The following ACOT1 variants were observed in gnomAD, a reference collection of about 807,000 sequenced individuals.
ACOT1 encodes acyl-coenzyme A thioesterase 1.
ACOT1 carries 8 observed loss-of-function variants against 15.7 expected under a neutral mutation model. The ratio of observed to expected loss-of-function variants is 0.51; its 90% confidence interval spans 0.30 to 0.92. The LOEUF (loss-of-function observed/expected upper bound fraction) is 0.92, where lower values mean the gene tolerates loss of function less well. Among genes scored for constraint, ACOT1 ranks in the 40% least tolerant of loss-of-function variants. The pLI is 0.06. For synonymous variants in ACOT1, 67 were observed against 241.2 expected (o/e 0.28, Z 6.69); for missense variants, 151 against 539.4 (o/e 0.28, Z 7.13).
chr14:73,511,520 AAAATAAAT>A, the ACOT1 span, among the ~76,000 whole-genome samples: 13,861 of 141,560 alleles, frequency 0.098, 818 homozygotes, highest in South Asian at 0.17. Context: ...CTCTGTCTCA[AAAATAAAT>A]AAATAAATAA....
At chr14:73,496,904 T>A in the ACOT1 span, among the ~76,000 whole-genome samples, 1 of 152,234 alleles carries the variant, frequency 6.6e-6, no homozygotes, top group African/African-American at 2.4e-5. Flanking sequence ...CTTTTTGTTT[T>A]TGCGAGATGG....
chr14:73,529,108 C>A, the ACOT1 span: 1 of 152,164 alleles, frequency 6.6e-6, no homozygotes. Flanking sequence ...AATCCCAGCA[C>A]TTTGGGAGGC....
chr14:73,509,896 C>T, the ACOT1 span, among the ~76,000 whole-genome samples: 3 of 126,460 alleles, frequency 2.4e-5, no homozygotes, highest in Non-Finnish European at 3.2e-5. Flanking sequence ...TTTTTTGAGA[C>T]GGAGTCTTGT....
chr14:73,492,838 AGTGGGGGACCTGCCCTGTGACAGT>A, the ACOT1 span: 8 of 1,613,888 alleles, frequency 5.0e-6, no homozygotes, highest in Non-Finnish European at 6.8e-6. This position sits in a 1 kb window ranked among gnomAD's most constrained non-coding sequence, Gnocchi z 4.9. Flanking sequence ...AGTTTGTGAG[AGTGGGGGACCTGCCCTGTGACAGT>A]GTGGAGGACC....
At chr14:73,493,333 CTGTT>C in the ACOT1 span, 4 of 527,868 alleles carry the variant, frequency 7.6e-6, no homozygotes, top group South Asian at 9.0e-5. Flanking sequence ...GGTCAGTATC[CTGTT>C]TGTTATTGTT....
chr14:73,537,736 G>A lies in ACOT1; in HGVS notation c.315G>A (p.Glu105=), dbSNP rs577303851. 279 of 1,244,618 alleles carry A rather than the reference G, an allele frequency of 2.2e-4. 79 individuals carry two copies. In the African/African-American group the frequency reaches 3.1e-3, roughly 14 times the overall value. The allele number at this position is 1,244,618 out of a possible 1,614,324, so 77.1% of individuals were successfully genotyped here. Residue 105 remains glutamate (E), a synonymous_variant, in exon 1 of 3, where the codon GAG becomes GAA. Coordinates refer to ENST00000311148, the MANE Select transcript of ACOT1 (RefSeq NM_001037161.2). ...KRDVRTPLAV[E]LEVLDGHDPD... ...ACGTGCGAACGCCCTTGGCCGTGGA[G>A]CTGGAGGTGCTGGATGGCCACGACC...
chr14:73,533,570 C>T (rs2878568), upstream of ACOT1, among the ~76,000 whole-genome samples: 57,770 of 111,038 alleles, frequency 0.52, 22,985 homozygotes, highest in African/African-American at 0.61. Flanking sequence ...TCCCAGCTAC[C>T]TGGGAGGCTG....
the ACOT1 span, chr14:73,495,509 A>G: frequency 5.2e-5 from 40 of 764,276 alleles, no homozygotes; most frequent in East Asian, 8.8e-4. Flanking sequence ...CTTGAGCCCA[A>G]CAGTTCAAGG....
chr14:73,513,632 C>CAGGAG, the ACOT1 span, among the ~76,000 whole-genome samples: 2 of 142,304 alleles, frequency 1.4e-5, no homozygotes, highest in African/African-American at 2.6e-5. Context: ...GAGGCTGAGG[C>CAGGAG]AGGAGAATTA....
the ACOT1 span, chr14:73,492,375 GTCT>G: frequency 6.2e-7 from 1 of 1,613,800 alleles, no homozygotes; most frequent in African/African-American, 1.3e-5. The surrounding 1 kb of genome is among the most constrained non-coding windows in gnomAD (Gnocchi z 4.9). Context: ...TTTCGGAGGG[GTCT>G]GCCCCGAGAC....
At chr14:73,534,389 AAAG>A (rs1224634405), upstream of ACOT1, among the ~76,000 whole-genome samples, 9 of 110,870 alleles carry the variant, frequency 8.1e-5, 1 homozygote, top group African/African-American at 2.6e-4. Flanking sequence ...GAAAAAAAAA[AAAG>A]AATTAAAAAA....
At chr14:73,512,474 T>C in the ACOT1 span, among the ~76,000 whole-genome samples, 1 of 152,176 alleles carries the variant, frequency 6.6e-6, no homozygotes, top group Non-Finnish European at 1.5e-5. Context: ...TTTTCAGACA[T>C]ACCTGGTTTG....
the ACOT1 span, among the ~76,000 whole-genome samples, chr14:73,531,625 T>G: frequency 5.5e-5 from 6 of 109,514 alleles, 2 homozygotes; most frequent in African/African-American, 1.8e-4. Flanking sequence ...GCCAGGCTGT[T>G]CTCGAACTCC....
the ACOT1 span, among the ~76,000 whole-genome samples, chr14:73,517,768 A>G: frequency 1.5e-4 from 22 of 150,518 alleles, no homozygotes; most frequent in African/African-American, 5.2e-4. Context: ...GAAGGAAAGG[A>G]AGGAAAAAAA....
the ACOT1 span, among the ~76,000 whole-genome samples, chr14:73,514,695 A>T: frequency 6.6e-6 from 1 of 152,186 alleles, no homozygotes; most frequent in African/African-American, 2.4e-5. Flanking sequence ...AATTTTAAAG[A>T]TTTTAACATC....
the ACOT1 span, among the ~76,000 whole-genome samples, chr14:73,503,510 A>G: frequency 1.3e-5 from 2 of 152,134 alleles, no homozygotes; most frequent in African/African-American, 4.8e-5. Flanking sequence ...ATGATGTGTA[A>G]ATGTGCCCAC....
chr14:73,542,923 A>T (rs1261065567), intron 2 of ACOT1, 127 bp from the exon 3 acceptor site: 5 of 1,016,244 alleles, frequency 4.9e-6, no homozygotes, highest in Non-Finnish European at 6.6e-6. Context: ...CCAAAGCTGC[A>T]AATCTGGGTA....
At chr14:73,517,889 C>A in the ACOT1 span, among the ~76,000 whole-genome samples, 16 of 152,136 alleles carry the variant, frequency 1.1e-4, no homozygotes, top group South Asian at 3.3e-3. Flanking sequence ...GAGATCAAGA[C>A]CATCCTGGCC....
At chr14:73,535,850 C>T (rs1888851063), upstream of ACOT1, among the ~76,000 whole-genome samples, 1 of 115,858 alleles carries the variant, frequency 8.6e-6, no homozygotes, top group African/African-American at 2.8e-5. Flanking sequence ...ACCCTGCCAC[C>T]TCAGCCTCCA....
Sources: gnomAD v4.1 joint callset for allele counts (sites outside exome capture counted in the v4.1 genomes callset) on GRCh38, gnomAD v4.1.1 for gene constraint, Gnocchi (gnomAD v3.1) non-coding constraint, MANE v1.5 for transcripts, NCBI Gene and HGNC (gene_info 2026-07-23, HGNC 2026-07-21) for gene names.